Variants in HDAC9 observed in about 807,000 individuals in gnomAD.
HDAC9 encodes histone deacetylase 9, also known as MEF-2 interacting transcription repressor (MITR) protein.
A neutral mutation model predicts 139.4 loss-of-function variants in HDAC9; 41 were observed. The observed-to-expected ratio is 0.29, with a 90% CI of 0.23 to 0.38. The LOEUF (loss-of-function observed/expected upper bound fraction) is 0.38, where lower values mean the gene tolerates loss of function less well. HDAC9 is among the 10% of genes least tolerant of loss of function. The probability of loss-of-function intolerance (pLI) is 1.00; values close to 1 mark genes in which losing one functional copy is unlikely to be tolerated. For synonymous variants in HDAC9, 517 were observed against 476.2 expected (o/e 1.09, Z -1.12); for missense variants, 1,147 against 1,297.0 (o/e 0.88, Z 1.78).
intron 2 of HDAC9, among the ~76,000 whole-genome samples, chr7:18,499,862 G>T (rs76131743): frequency 1.3e-5 from 2 of 152,034 alleles, no homozygotes; most frequent in Non-Finnish European, 2.9e-5. Context: ...TTAGTGTATG[G>T]TGTTGAGGGG....
chr7:18,368,132 G>A (rs535877928), intron 1 of HDAC9, among the ~76,000 whole-genome samples: 6 of 151,856 alleles, frequency 4.0e-5, no homozygotes, highest in Non-Finnish European at 5.9e-5. Context: ...CTTCCTTTTA[G>A]TGTCATTGAT....
At chr7:18,267,959 A>G (rs1052730012) in intron 2 of HDAC9, among the ~76,000 whole-genome samples, 1 of 152,148 alleles carries the variant, frequency 6.6e-6, no homozygotes, top group East Asian at 1.9e-4. Context: ...CCATTCTTAT[A>G]GTATTTCCAA....
At chr7:18,547,524 C>A (rs1471621795) in intron 2 of HDAC9, among the ~76,000 whole-genome samples, 1 of 152,198 alleles carries the variant, frequency 6.6e-6, no homozygotes, top group East Asian at 1.9e-4. Context: ...CGTGAGCCAC[C>A]ATGCCCGGCC....
chr7:18,513,959 G>A (rs972478279), intron 2 of HDAC9, among the ~76,000 whole-genome samples: 21 of 152,134 alleles, frequency 1.4e-4, no homozygotes, highest in Non-Finnish European at 2.4e-4. Flanking sequence ...TTATTTAAAC[G>A]TTATTGCTTA....
chr7:18,102,693 C>T (rs897703385), intron 1 of HDAC9, among the ~76,000 whole-genome samples: 1 of 152,184 alleles, frequency 6.6e-6, no homozygotes, highest in African/African-American at 2.4e-5. Flanking sequence ...GGACAAATCC[C>T]TACAGGATAG....
At chr7:18,571,854 T>C (rs1294889882) in intron 2 of HDAC9, among the ~76,000 whole-genome samples, 1 of 152,148 alleles carries the variant, frequency 6.6e-6, no homozygotes, top group African/African-American at 2.4e-5. Flanking sequence ...CATATTTTCA[T>C]GTATGTTGTT....
intron 1 of HDAC9, among the ~76,000 whole-genome samples, chr7:18,332,625 A>T (rs1311908184): frequency 1.3e-5 from 2 of 151,636 alleles, no homozygotes; most frequent in African/African-American, 4.8e-5. Context: ...GTGGAATGGC[A>T]GTCAAGCCGT....
intron 16 of HDAC9, among the ~76,000 whole-genome samples, chr7:18,781,496 G>A (rs115528558): frequency 2.0e-5 from 3 of 152,008 alleles, no homozygotes; most frequent in Non-Finnish European, 4.4e-5. Context: ...CACCTAGTAG[G>A]TGCCCCAATC....
At chr7:18,463,286 T>C (rs1794003892) in intron 1 of HDAC9, among the ~76,000 whole-genome samples, 1 of 152,022 alleles carries the variant, frequency 6.6e-6, no homozygotes. Flanking sequence ...TATTTTCTCT[T>C]TTCTGGAAGA....
At chr7:18,904,646 G>A (rs900557787) in intron 22 of HDAC9, among the ~76,000 whole-genome samples, 2 of 129,968 alleles carry the variant, frequency 1.5e-5, no homozygotes, top group Non-Finnish European at 3.1e-5. Context: ...GACGCGATCC[G>A]CTCACTGCAA....
chr7:18,803,408 A>G (rs949934288), intron 17 of HDAC9, among the ~76,000 whole-genome samples: 1 of 151,988 alleles, frequency 6.6e-6, no homozygotes, highest in Non-Finnish European at 1.5e-5. Context: ...TCTTATCACC[A>G]TTTATGATTG....
chr7:18,864,581 TG>T (rs1798349787), intron 21 of HDAC9, among the ~76,000 whole-genome samples: 1 of 149,308 alleles, frequency 6.7e-6, no homozygotes, highest in African/African-American at 2.5e-5. Context: ...TTTAAGGGGG[TG>T]GATGTCATGT....
intron 17 of HDAC9, among the ~76,000 whole-genome samples, chr7:18,812,250 C>G: frequency 6.6e-6 from 1 of 151,790 alleles, no homozygotes; most frequent in Admixed American, 6.6e-5. Context: ...TTTATATTTG[C>G]TCACATATTT....
intron 12 of HDAC9, among the ~76,000 whole-genome samples, chr7:18,711,100 A>G (rs1258654242): frequency 6.6e-6 from 1 of 152,214 alleles, no homozygotes; most frequent in Non-Finnish European, 1.5e-5. Flanking sequence ...GGATCCTCTC[A>G]TTTAATTTCG....
chr7:18,763,804 A>G (rs55973233), intron 15 of HDAC9, among the ~76,000 whole-genome samples: 23,030 of 151,990 alleles, frequency 0.15, 2,254 homozygotes, highest in East Asian at 0.45. Context: ...AAGAAAAAAC[A>G]AGTAGAAAAC....
rs1396519906 is a variant in HDAC9, at chr7:18,273,015, TCC to T, written c.25+110667_25+110668del. ...CTCCTCCTCTTCTTCTTCTTCTTCCTCCTCCTCCTCCTCTTCCTCTTCCCCTT... is the reference window on the plus strand; with the variant it reads ...CTCCTCCTCTTCTTCTTCTTCTTCCTTCCTCCTCCTCTTCCTCTTCCCCTT... On this transcript the variant is annotated intron_variant, in intron 2 of 12. Transcript: ENST00000417496. Among the ~76,000 whole-genome samples the T allele has an allele frequency of 4.1e-5, 6 of 144,916 alleles. No individual in the cohort carries two copies. The East Asian group carries it at 6.0e-4, about 15-fold the overall frequency.
At chr7:18,094,021 C>G (rs762955483) in intron 1 of HDAC9, among the ~76,000 whole-genome samples, 1 of 152,116 alleles carries the variant, frequency 6.6e-6, no homozygotes, top group South Asian at 2.1e-4. Flanking sequence ...TATGAGGAAG[C>G]CTTTAAGATT....
At chr7:18,423,051 C>A (rs1789794359) in intron 1 of HDAC9, among the ~76,000 whole-genome samples, 1 of 152,140 alleles carries the variant, frequency 6.6e-6, no homozygotes, top group African/African-American at 2.4e-5. Flanking sequence ...AATTGAGATG[C>A]ACTTTACTAA....
At position 18,975,818 on chromosome 7, in the gene HDAC9, A is replaced by G. The variant is rs1233162375; in HGVS notation, c.3035A>G (p.Lys1012Arg). 6.2e-7 allele frequency: 1 copy of G among 1,613,722 alleles called. No homozygotes were observed. Among genetic ancestry groups the G allele is most frequent in the Non-Finnish European group, 8.5e-7 (1 of 1,179,776 alleles). ...KIIEIQSKYW[K>R]SVRMVAVPRG... ...ATGTTTTTCCTAGGCAAGTATTGGA[A>G]GTCAGTAAGGATGGTGGCTGTGCCA... Residue 1012 changes from lysine (K) to arginine (R), a missense_variant, in exon 25 of 26, where the codon AAG becomes AGG. This residue lies in a region of HDAC9 where 407 missense variants were observed against 521.5 expected (regional missense o/e 0.78). Transcript: ENST00000686413.
Sources: gnomAD v4.1 joint callset for allele counts (sites outside exome capture counted in the v4.1 genomes callset) on GRCh38, gnomAD v4.1.1 for gene constraint, gnomAD v4.1.1 regional missense constraint, MANE v1.5 for transcripts, NCBI Gene and HGNC (gene_info 2026-07-23, HGNC 2026-07-21) for gene names.